FRMPD4: variants seen among roughly 807,000 people sequenced by gnomAD.
FRMPD4 encodes FERM and PDZ domain-containing protein 4.
Under a neutral mutation model 94.1 loss-of-function variants are expected in FRMPD4, and 22 were observed. The ratio of observed to expected loss-of-function variants is 0.23; its 90% CI spans 0.17 to 0.33. The LOEUF (loss-of-function observed/expected upper bound fraction) is 0.33, where lower values mean the gene tolerates loss of function less well. FRMPD4 is among the 10% of genes least tolerant of loss of function. The probability of loss-of-function intolerance (pLI) is 1.00; values close to 1 mark genes in which losing one functional copy is unlikely to be tolerated. For synonymous variants in FRMPD4, 631 were observed against 548.6 expected (o/e 1.15, Z -2.10); for missense variants, 1,111 against 1,339.9 (o/e 0.83, Z 2.67).
At chrX:12,573,979 T>A (rs1156414424) in intron 2 of FRMPD4, among the ~76,000 whole-genome samples, 6 of 112,635 alleles carry the variant, frequency 5.3e-5, no homozygotes, top group Non-Finnish European at 1.9e-5. Context: ...ATGTTGCTTA[T>A]GTTAAAATAT....
intron 3 of FRMPD4, among the ~76,000 whole-genome samples, chrX:12,076,424 A>G (rs998217910): frequency 1.8e-5 from 2 of 109,616 alleles, no homozygotes; most frequent in African/African-American, 6.7e-5. Context: ...GCCAGGGTTT[A>G]CAGGACAGCC....
chrX:12,019,012 G>A (rs1019886254), intron 3 of FRMPD4, among the ~76,000 whole-genome samples: 10 of 111,510 alleles, frequency 9.0e-5, no homozygotes, highest in Non-Finnish European at 1.5e-4. Flanking sequence ...CTCCCACCAC[G>A]TTGTAGAGTA....
At position 12,278,708 on chromosome X, in the gene FRMPD4, T is replaced by C. The variant is rs762316309; in HGVS notation, c.41+139696T>C. 9.9e-5 allele frequency among the ~76,000 whole-genome samples: 11 copies of C among 111,429 alleles called. No individual in the cohort carries two copies. The East Asian group carries it at 2.8e-3, about 29-fold the overall frequency. On this transcript the variant is annotated intron_variant, in intron 1 of 16. Transcript: ENST00000675598. ...AGACTCCCAGTGAACACAGCTTCTT[T>C]GGTTCTGCTTTCCCACAGGGCTGGC...
intron 1 of FRMPD4, among the ~76,000 whole-genome samples, chrX:11,851,453 C>A (rs1223493295): frequency 9.0e-6 from 1 of 111,074 alleles, no homozygotes; most frequent in African/African-American, 3.3e-5. Context: ...ACATGTTCCA[C>A]GGCCCCTGAA....
intron 3 of FRMPD4, among the ~76,000 whole-genome samples, chrX:12,053,443 G>GAA (rs1175694029): frequency 5.1e-5 from 5 of 98,915 alleles, no homozygotes; most frequent in South Asian, 4.9e-4. Context: ...AAAGAAAGAA[G>GAA]AGAAGAGAAG....
intron 1 of FRMPD4, among the ~76,000 whole-genome samples, chrX:11,822,779 C>G (rs1244125740): frequency 8.9e-6 from 1 of 112,096 alleles, no homozygotes; most frequent in East Asian, 2.8e-4. Flanking sequence ...AATCAAAAAT[C>G]AAGGCTACTC....
intron 1 of FRMPD4, among the ~76,000 whole-genome samples, chrX:12,401,988 G>A (rs1208716107): frequency 9.0e-6 from 1 of 111,089 alleles, no homozygotes; most frequent in Non-Finnish European, 1.9e-5. Context: ...GGGATAGTGG[G>A]GTGGAGGCCC....
chrX:11,989,436 A>G (rs1173158450), intron 3 of FRMPD4, among the ~76,000 whole-genome samples: 1 of 109,644 alleles, frequency 9.1e-6, no homozygotes, highest in Non-Finnish European at 1.9e-5. Context: ...AATTAAAACA[A>G]TTGAATTCAT....
At chrX:12,480,390 T>C (rs1359007943) in intron 1 of FRMPD4, among the ~76,000 whole-genome samples, 3 of 109,459 alleles carry the variant, frequency 2.7e-5, no homozygotes, top group African/African-American at 1.0e-4. Context: ...TTTGCCTCTT[T>C]TCTCTCCTAG....
intron 4 of FRMPD4, among the ~76,000 whole-genome samples, chrX:12,666,334 GAC>G (rs2059779765): frequency 9.0e-6 from 1 of 111,141 alleles, no homozygotes; most frequent in Admixed American, 9.6e-5. Flanking sequence ...AATAGTGGGA[GAC>G]TTTAACACCC....
intron 1 of FRMPD4, among the ~76,000 whole-genome samples, chrX:12,433,680 A>C (rs1344751534): frequency 8.9e-6 from 1 of 112,300 alleles, no homozygotes; most frequent in East Asian, 2.8e-4. Context: ...CTTACAGTCT[A>C]TTTGGAAAGA....
At chrX:12,236,164 A>G (rs1011222438) in intron 1 of FRMPD4, among the ~76,000 whole-genome samples, 1 of 112,142 alleles carries the variant, frequency 8.9e-6, no homozygotes, top group Non-Finnish European at 1.9e-5. Context: ...GTTTAAAACA[A>G]CTTAACATTT....
At chrX:12,463,673 A>ATG (rs201170698) in intron 1 of FRMPD4, among the ~76,000 whole-genome samples, 7,756 of 43,479 alleles carry the variant, frequency 0.18, 1,317 homozygotes, top group Non-Finnish European at 0.24. Flanking sequence ...TGTGCCTCCT[A>ATG]TGTGTGTGTT....
upstream of FRMPD4, among the ~76,000 whole-genome samples, chrX:12,137,357 A>T (rs1346649866): frequency 1.8e-5 from 2 of 112,974 alleles, no homozygotes; most frequent in Admixed American, 1.9e-4. Flanking sequence ...GAAGACTTTA[A>T]ATATAACAAC....
chrX:12,037,155 A>G lies in FRMPD4; in HGVS notation c.95+159137A>G, dbSNP rs138254900. On this transcript the variant is annotated intron_variant, in intron 3 of 18. Coordinates refer to the FRMPD4 transcript ENST00000640291. ...GTATTGACTCATGAAACTTCCAGGTAGTTCTCCAATGTTCTCAGCTGGATG... is the reference window on the plus strand; with the variant it reads ...GTATTGACTCATGAAACTTCCAGGTGGTTCTCCAATGTTCTCAGCTGGATG... Among the ~76,000 whole-genome samples the G allele has an allele frequency of 2.5e-3, 281 of 111,884 alleles. 1 individual carries two copies. The highest frequency in any genetic ancestry group is 7.9e-3 in the African/African-American group (245 of 30,861).
At chrX:11,970,496 G>A (rs1256032005) in intron 3 of FRMPD4, among the ~76,000 whole-genome samples, 1 of 112,103 alleles carries the variant, frequency 8.9e-6, no homozygotes, top group African/African-American at 3.2e-5. Flanking sequence ...AGAAGAACTT[G>A]GTTCCAGCAC....
intron 3 of FRMPD4, among the ~76,000 whole-genome samples, chrX:12,034,391 A>C (rs988775292): frequency 3.6e-5 from 4 of 111,924 alleles, no homozygotes; most frequent in African/African-American, 1.3e-4. Flanking sequence ...CATTTCCTAA[A>C]CATTATCTGT....
rs554804544 is a variant in FRMPD4, at chrX:12,508,155, G to T, written c.158+9359G>T. ...TATTATCATTGTGGAATTTTATAAG[G>T]CTTCTGTGTAAATGTCCTTAACTCA... On this transcript the variant is annotated intron_variant, in intron 2 of 16. Transcript: ENST00000675598. Among the ~76,000 whole-genome samples the T allele has an allele frequency of 9.8e-5, 11 of 112,260 alleles. No homozygotes were observed. In the East Asian group the frequency reaches 1.1e-3, roughly 11 times the overall value.
At chrX:12,226,724 T>C (rs991119137) in intron 1 of FRMPD4, among the ~76,000 whole-genome samples, 3 of 111,097 alleles carry the variant, frequency 2.7e-5, no homozygotes, top group Non-Finnish European at 3.8e-5. Context: ...ATGCCAGACA[T>C]GCAGTGGTTT....
Sources: gnomAD v4.1 joint callset for allele counts (sites outside exome capture counted in the v4.1 genomes callset) on GRCh38, gnomAD v4.1.1 for gene constraint, MANE v1.5 for transcripts, NCBI Gene and HGNC (gene_info 2026-07-23, HGNC 2026-07-21) for gene names.